FHIT: variants seen among roughly 807,000 people sequenced by gnomAD.
The protein encoded by FHIT is fragile histidine triad diadenosine triphosphatase.
FHIT carries 19 observed loss-of-function variants against 17.9 expected under a neutral mutation model. That is an observed-to-expected ratio of 1.06 (90% CI 0.74 to 1.56). The LOEUF is 1.56. Among genes scored for constraint, FHIT ranks in the 40% most tolerant of loss-of-function variants. The pLI is 0.00. For missense variants in FHIT, 248 were observed against 189.2 expected (o/e 1.31, Z -1.82); for synonymous variants, 81 against 69.7 (o/e 1.16, Z -0.81).
At chr3:60,085,004 T>A (rs1287472180) in intron 5 of FHIT, among the ~76,000 whole-genome samples, 1 of 152,176 alleles carries the variant, frequency 6.6e-6, no homozygotes, top group Admixed American at 6.6e-5. Context: ...TTTTGAGTTA[T>A]ATGCCAAACA....
chr3:60,708,574 C>A (rs540816320), intron 4 of FHIT, among the ~76,000 whole-genome samples: 16 of 152,242 alleles, frequency 1.1e-4, no homozygotes, highest in South Asian at 2.1e-4. Context: ...AATTGGCAAA[C>A]CTTTTACCTC....
At chr3:61,130,270 T>C (rs1257971976) in intron 2 of FHIT, among the ~76,000 whole-genome samples, 2 of 152,210 alleles carry the variant, frequency 1.3e-5, no homozygotes, top group Admixed American at 6.5e-5. Context: ...AAAGAACCTG[T>C]TTCTGCCATT....
intron 5 of FHIT, among the ~76,000 whole-genome samples, chr3:60,130,784 G>GTATATACACACATATGTGTGTGT (rs148356992): frequency 9.0e-5 from 10 of 111,628 alleles, no homozygotes; most frequent in African/African-American, 2.7e-4. Flanking sequence ...GTGTGTGTGT[G>GTATATACACACATATGTGTGTGT]GTGTGTATAT....
intron 4 of FHIT, among the ~76,000 whole-genome samples, chr3:60,673,120 T>C (rs1553694434): frequency 6.6e-6 from 1 of 152,154 alleles, no homozygotes. Flanking sequence ...CCGTAAGAGC[T>C]TAACAGAAAA....
chr3:60,589,201 T>A (rs1441250325), intron 4 of FHIT, among the ~76,000 whole-genome samples: 2 of 152,036 alleles, frequency 1.3e-5, no homozygotes, highest in Non-Finnish European at 2.9e-5. Flanking sequence ...TATAACCCAA[T>A]GTAAGCACAA....
At chr3:59,756,446 G>T (rs1228574595) in intron 8 of FHIT, among the ~76,000 whole-genome samples, 1 of 152,074 alleles carries the variant, frequency 6.6e-6, no homozygotes, top group Non-Finnish European at 1.5e-5. Flanking sequence ...GAGGTCAAAG[G>T]TAGTCAATAC....
At chr3:61,100,853 G>A (rs1306212881) in intron 2 of FHIT, among the ~76,000 whole-genome samples, 2 of 152,158 alleles carry the variant, frequency 1.3e-5, no homozygotes, top group African/African-American at 2.4e-5. Flanking sequence ...CTGCATAGAT[G>A]TCTTCTTTTG....
chr3:60,606,451 G>C (rs1372169733), intron 4 of FHIT, among the ~76,000 whole-genome samples: 1 of 152,032 alleles, frequency 6.6e-6, no homozygotes, highest in Non-Finnish European at 1.5e-5. Flanking sequence ...ATGTTACCCA[G>C]GCTGGTCTCA....
In FHIT at chr3:60,059,232, T is replaced by G. The variant is rs140069427; in HGVS notation, c.104-45080A>C. 3.1e-3 allele frequency among the ~76,000 whole-genome samples: 473 copies of G among 152,326 alleles called. 21 individuals are homozygous for G. The South Asian group carries it at 0.069, about 22-fold the overall frequency. ...CTGGTAATCAGCAGTTTTCAGGAGT[T>G]GGGCGAGTGAGCACAAGCATGCGCA... On this transcript the variant is annotated intron_variant, in intron 5 of 9. Coordinates refer to ENST00000492590, the MANE Select transcript of FHIT (RefSeq NM_002012.4).
chr3:61,082,619 T>C (rs2035176234), intron 2 of FHIT, among the ~76,000 whole-genome samples: 1 of 152,180 alleles, frequency 6.6e-6, no homozygotes, highest in Non-Finnish European at 1.5e-5. Flanking sequence ...ATATTGCCAG[T>C]TTTCTAAAGT....
At chr3:60,461,857 C>T (rs1404893652) in intron 5 of FHIT, among the ~76,000 whole-genome samples, 1 of 152,158 alleles carries the variant, frequency 6.6e-6, no homozygotes, top group Non-Finnish European at 1.5e-5. Flanking sequence ...GTTTGATACA[C>T]TGAGCTTCCA....
intron 5 of FHIT, among the ~76,000 whole-genome samples, chr3:60,298,972 C>T (rs926932873): frequency 5.3e-5 from 8 of 152,072 alleles, no homozygotes; most frequent in African/African-American, 1.7e-4. Context: ...AGTAATCTTC[C>T]TTTGAATGTA....
At chr3:59,811,640 A>G (rs1032463589) in intron 8 of FHIT, among the ~76,000 whole-genome samples, 4 of 152,202 alleles carry the variant, frequency 2.6e-5, no homozygotes, top group Non-Finnish European at 5.9e-5. Flanking sequence ...TGGACTCCTT[A>G]TAAGTCCAGG....
chr3:60,623,909 C>T (rs529886315), intron 4 of FHIT, among the ~76,000 whole-genome samples: 1 of 152,296 alleles, frequency 6.6e-6, no homozygotes, highest in East Asian at 1.9e-4. Context: ...ACTTCAGGAT[C>T]TCCTATGCAT....
intron 3 of FHIT, among the ~76,000 whole-genome samples, chr3:60,974,258 T>C (rs560223747): frequency 1.3e-5 from 2 of 152,342 alleles, no homozygotes; most frequent in East Asian, 3.9e-4. Flanking sequence ...ACTATCTTTT[T>C]TCTTTAGAGA....
chr3:59,935,869 C>T (rs887223104), intron 7 of FHIT, among the ~76,000 whole-genome samples: 2 of 152,162 alleles, frequency 1.3e-5, no homozygotes, highest in South Asian at 4.1e-4. Context: ...CTTCGCCATT[C>T]TTGTCATTTT....
At chr3:60,285,903 A>G (rs1367118605) in intron 5 of FHIT, among the ~76,000 whole-genome samples, 1 of 152,160 alleles carries the variant, frequency 6.6e-6, no homozygotes, top group Non-Finnish European at 1.5e-5. Flanking sequence ...ATACATTTCA[A>G]TTATTTTCTT....
intron 4 of FHIT, among the ~76,000 whole-genome samples, chr3:60,752,691 TGGTGTAA>T (rs1553717183): frequency 2.0e-5 from 3 of 152,308 alleles, no homozygotes; most frequent in East Asian, 3.9e-4. Context: ...TTGGAGCGCT[TGGTGTAA>T]GGCATGTGTG....
intron 5 of FHIT, among the ~76,000 whole-genome samples, chr3:60,459,482 G>T (rs2032322647): frequency 6.6e-6 from 1 of 152,146 alleles, no homozygotes. Flanking sequence ...GAGTTTCAAT[G>T]CCCTCACTTT....
Sources: gnomAD v4.1 joint callset for allele counts (sites outside exome capture counted in the v4.1 genomes callset) on GRCh38, gnomAD v4.1.1 for gene constraint, MANE v1.5 for transcripts, NCBI Gene and HGNC (gene_info 2026-07-23, HGNC 2026-07-21) for gene names.